Variants in NRXN1 observed in about 807,000 individuals in gnomAD.
NRXN1 encodes the protein neurexin-1.
A neutral mutation model predicts 150.9 loss-of-function variants in NRXN1; 39 were observed. The observed-to-expected ratio is 0.26, with a 90% CI of 0.20 to 0.34. The LOEUF is 0.34. Among genes scored for constraint, NRXN1 ranks in the 10% least tolerant of loss-of-function variants. The probability of loss-of-function intolerance (pLI) is 1.00; values close to 1 mark genes in which losing one functional copy is unlikely to be tolerated. For missense variants in NRXN1, 1,815 were observed against 1,949.9 expected, an observed-to-expected ratio of 0.93 and a Z score of 1.30; for synonymous variants, 924 against 757.0, an observed-to-expected ratio of 1.22 and a Z score of -3.62.
chr2:50,881,829 T>C (rs968752241), intron 5 of NRXN1, among the ~76,000 whole-genome samples: 24 of 151,864 alleles, frequency 1.6e-4, no homozygotes, highest in Admixed American at 1.6e-3. Context: ...TCAAATGCTG[T>C]AGTAAATTCC....
At chr2:50,203,763 T>G (rs545830107) in intron 18 of NRXN1, among the ~76,000 whole-genome samples, 1 of 152,182 alleles carries the variant, frequency 6.6e-6, no homozygotes, top group Non-Finnish European at 1.5e-5. Context: ...CGAAATGGCA[T>G]TTCAAAGAAA....
intron 17 of NRXN1, among the ~76,000 whole-genome samples, chr2:50,360,278 A>G (rs2079095290): frequency 6.6e-6 from 1 of 152,234 alleles, no homozygotes; most frequent in African/African-American, 2.4e-5. Flanking sequence ...CCTTAAATGT[A>G]AATGGGCCAA....
chr2:50,497,858 T>C (rs913696991), intron 13 of NRXN1, 144 bp from the exon 14 acceptor site: 1 of 674,128 alleles, frequency 1.5e-6, no homozygotes, highest in South Asian at 2.4e-5. Context: ...AACACTTAAA[T>C]GATGCCAAAA....
intron 5 of NRXN1, among the ~76,000 whole-genome samples, chr2:50,914,216 T>G (rs1331577231): frequency 6.6e-6 from 1 of 151,696 alleles, no homozygotes; most frequent in African/African-American, 2.4e-5. Context: ...AATGTATCTG[T>G]GTGCTGAGAA....
chr2:50,706,491 A>T (rs1267965905), intron 5 of NRXN1, among the ~76,000 whole-genome samples: 1 of 152,156 alleles, frequency 6.6e-6, no homozygotes. Flanking sequence ...TAGAATTAGA[A>T]TTAGAATCTC....
chr2:50,434,242 G>T (rs74711754), intron 17 of NRXN1, among the ~76,000 whole-genome samples: 44,312 of 150,512 alleles, frequency 0.29, 6,727 homozygotes, highest in East Asian at 0.43. Flanking sequence ...TGTATTTTTT[G>T]TTGTTGTTGT....
chr2:50,651,577 G>A lies in NRXN1; in HGVS notation c.833-27962C>T, dbSNP rs569153661. ...GCTGAGGCAGGAGGGAGGATTGCTT[G>A]AGCAGAGGAGATGGAGGCTGCAGCG... On this transcript the variant is annotated intron_variant, in intron 5 of 22. Transcript: ENST00000401669. 3.3e-5 allele frequency among the ~76,000 whole-genome samples: 5 copies of A among 152,128 alleles called. No homozygotes were observed. The South Asian group carries it at 1.0e-3, about 32-fold the overall frequency.
chr2:49,928,513 A>T (rs1669520103), intron 22 of NRXN1, among the ~76,000 whole-genome samples: 1 of 152,126 alleles, frequency 6.6e-6, no homozygotes, highest in African/African-American at 2.4e-5. Context: ...TAGGGGGAAG[A>T]TTTGACTTTT....
intron 17 of NRXN1, among the ~76,000 whole-genome samples, chr2:50,349,543 G>C (rs900681743): frequency 2.0e-5 from 3 of 152,180 alleles, no homozygotes; most frequent in African/African-American, 7.2e-5. Flanking sequence ...TTAGGAGTTA[G>C]GAAATCCGTA....
In NRXN1 at chr2:50,870,325, C is replaced by A. The variant is rs142568770; in HGVS notation, c.832+51544G>T. Among the ~76,000 whole-genome samples the A allele has an allele frequency of 2.0e-5, 3 of 151,936 alleles. No homozygotes were observed. The East Asian group carries it at 5.9e-4, about 30-fold the overall frequency. Reference sequence around the variant, plus strand: ...GTTCCCACATTGAGTAAAATTTAGTCAATCATTGAGTCTTCTTTTAAGAGG... The same window carrying A: ...GTTCCCACATTGAGTAAAATTTAGTAAATCATTGAGTCTTCTTTTAAGAGG... On this transcript the variant is annotated intron_variant, in intron 5 of 22. Transcript: ENST00000401669.
chr2:50,877,192 CAT>C (rs1216479004), intron 5 of NRXN1, among the ~76,000 whole-genome samples: 3 of 151,918 alleles, frequency 2.0e-5, no homozygotes, highest in East Asian at 3.9e-4. Flanking sequence ...TAGACACACA[CAT>C]ATACACACAC....
chr2:50,739,643 A>G (rs1328795167), intron 5 of NRXN1, among the ~76,000 whole-genome samples: 3 of 152,288 alleles, frequency 2.0e-5, no homozygotes, highest in East Asian at 3.9e-4. Context: ...CCATAATGGC[A>G]CAGTTTAAAT....
intron 2 of NRXN1, among the ~76,000 whole-genome samples, chr2:51,015,014 C>T (rs1376291078): frequency 6.6e-6 from 1 of 151,908 alleles, no homozygotes; most frequent in South Asian, 2.1e-4. Flanking sequence ...CTTGTCTTTT[C>T]CTTCCTATTT....
chr2:49,948,978 C>A (rs963074854), intron 21 of NRXN1, among the ~76,000 whole-genome samples: 1 of 151,998 alleles, frequency 6.6e-6, no homozygotes, highest in Admixed American at 6.6e-5. Flanking sequence ...ACATGCACAT[C>A]GTAAGCATCT....
chr2:50,490,555 G>A (rs2091192353), intron 15 of NRXN1, among the ~76,000 whole-genome samples: 1 of 152,196 alleles, frequency 6.6e-6, no homozygotes, highest in Non-Finnish European at 1.5e-5. Context: ...TGGAAAGTGA[G>A]ATGAAGCAGT....
At chr2:50,022,971 GA>G (rs1474998251) in intron 21 of NRXN1, 6 of 152,184 alleles carry the variant, frequency 3.9e-5, no homozygotes, top group African/African-American at 1.4e-4. Flanking sequence ...AATTGTTGCT[GA>G]AATTAAGTAG....
intron 21 of NRXN1, among the ~76,000 whole-genome samples, chr2:49,947,242 T>A (rs1673070159): frequency 6.6e-6 from 1 of 152,104 alleles, no homozygotes; most frequent in Non-Finnish European, 1.5e-5. Flanking sequence ...ATTGATGAAA[T>A]CAATATAGTG....
At chr2:51,021,936 C>G (rs1029205496) in intron 2 of NRXN1, among the ~76,000 whole-genome samples, 3 of 151,952 alleles carry the variant, frequency 2.0e-5, no homozygotes, top group Non-Finnish European at 4.4e-5. Context: ...TGCTAAATCA[C>G]AAAATTCTCA....
At chr2:50,810,137 A>C (rs1470499885) in intron 5 of NRXN1, among the ~76,000 whole-genome samples, 1 of 152,170 alleles carries the variant, frequency 6.6e-6, no homozygotes, top group Non-Finnish European at 1.5e-5. Context: ...ATTCTAAAGC[A>C]ATCTTTTGAA....
Sources: allele counts gnomAD v4.1 joint callset (sites outside exome capture counted in the v4.1 genomes callset), GRCh38; gene constraint gnomAD v4.1.1; transcripts MANE v1.5; gene names NCBI Gene and HGNC (gene_info 2026-07-23, HGNC 2026-07-21).